Variants in XYLT1 observed in about 807,000 individuals in gnomAD.
XYLT1 encodes the protein xylosyltransferase 1.
In XYLT1, 36 loss-of-function variants were observed where a neutral mutation model predicts 91.3. That is an observed-to-expected ratio of 0.39 (90% CI 0.30 to 0.52). The LOEUF is 0.52. Among genes scored for constraint, XYLT1 ranks in the 20% least tolerant of loss-of-function variants. The probability of loss-of-function intolerance (pLI) is 0.68; values close to 1 mark genes in which losing one functional copy is unlikely to be tolerated. For synonymous variants in XYLT1, 588 were observed against 532.0 expected (o/e 1.11, Z -1.45); for missense variants, 1,242 against 1,284.5 (o/e 0.97, Z 0.51).
chr16:17,308,799 C>T (rs983848558), intron 2 of XYLT1, among the ~76,000 whole-genome samples: 1 of 151,992 alleles, frequency 6.6e-6, no homozygotes, highest in African/African-American at 2.4e-5. Flanking sequence ...GGTAGATGCC[C>T]AATAAATGAA....
chr16:17,318,168 T>C (rs750532518), intron 2 of XYLT1, among the ~76,000 whole-genome samples: 2 of 152,242 alleles, frequency 1.3e-5, no homozygotes, highest in Non-Finnish European at 2.9e-5. Flanking sequence ...CCTGACGTGA[T>C]ACCAACACAT....
chr16:17,199,367 G>A (rs1389686861), intron 4 of XYLT1, among the ~76,000 whole-genome samples: 1 of 152,176 alleles, frequency 6.6e-6, no homozygotes, highest in Non-Finnish European at 1.5e-5. Context: ...CTCATTTGTT[G>A]ACATGTTCTC....
chr16:17,189,475 T>G (rs2032260768), intron 5 of XYLT1, among the ~76,000 whole-genome samples: 1 of 152,164 alleles, frequency 6.6e-6, no homozygotes, highest in African/African-American at 2.4e-5. Flanking sequence ...GAGCTGCATC[T>G]TCTTAAACCA....
intron 2 of XYLT1, among the ~76,000 whole-genome samples, chr16:17,352,673 T>C (rs1567388264): frequency 6.6e-6 from 1 of 152,182 alleles, no homozygotes; most frequent in Non-Finnish European, 1.5e-5. Context: ...ATTCCCCCAC[T>C]ACCTGGGAGA....
At chr16:17,444,686 T>C (rs1596549362) in intron 1 of XYLT1, among the ~76,000 whole-genome samples, 2 of 152,170 alleles carry the variant, frequency 1.3e-5, no homozygotes, top group East Asian at 3.9e-4. Context: ...ATGCTGCACA[T>C]AGTAGATGCT....
chr16:17,417,405 G>A (rs1040742251), intron 1 of XYLT1, among the ~76,000 whole-genome samples: 26 of 152,142 alleles, frequency 1.7e-4, no homozygotes, highest in African/African-American at 5.8e-4. Flanking sequence ...CCTGCCCCAG[G>A]ACCTTGGCAC....
intron 3 of XYLT1, among the ~76,000 whole-genome samples, chr16:17,232,429 G>GTGTGTATATATATATA (rs1194509016): frequency 1.6e-5 from 2 of 121,734 alleles, no homozygotes; most frequent in Non-Finnish European, 3.4e-5. Context: ...GTGTGTGTGT[G>GTGTGTATATATATATA]TATATATATA....
At chr16:17,267,136 G>T (rs2033819045) in intron 2 of XYLT1, among the ~76,000 whole-genome samples, 1 of 152,202 alleles carries the variant, frequency 6.6e-6, no homozygotes, top group South Asian at 2.1e-4. Flanking sequence ...AGACTGATAG[G>T]GCTGGGTTGG....
intron 1 of XYLT1, among the ~76,000 whole-genome samples, chr16:17,460,687 C>T (rs1359910835): frequency 2.6e-5 from 4 of 152,198 alleles, no homozygotes; most frequent in African/African-American, 4.8e-5. Flanking sequence ...CTCAGCTTGG[C>T]TGTTTAACAC....
intron 1 of XYLT1, among the ~76,000 whole-genome samples, chr16:17,456,106 C>G (rs772431083): frequency 6.6e-6 from 1 of 152,176 alleles, no homozygotes; most frequent in Non-Finnish European, 1.5e-5. Context: ...CCCAGCTTCA[C>G]TCTGTGCACA....
chr16:17,431,542 CAG>C (rs1361832467), intron 1 of XYLT1, among the ~76,000 whole-genome samples: 1 of 152,166 alleles, frequency 6.6e-6, no homozygotes, highest in Non-Finnish European at 1.5e-5. Context: ...CACCAAGGAA[CAG>C]AGTTATGCAA....
intron 3 of XYLT1, among the ~76,000 whole-genome samples, chr16:17,235,309 C>CTT (rs3060127): frequency 0.043 from 5,935 of 138,176 alleles, 455 homozygotes; most frequent in African/African-American, 0.14. Context: ...TCATTATCAT[C>CTT]TTTTTTTTTT....
At chr16:17,385,269 T>TACACACACACAC (rs566134163) in intron 1 of XYLT1, among the ~76,000 whole-genome samples, 17 of 119,894 alleles carry the variant, frequency 1.4e-4, no homozygotes, top group South Asian at 3.2e-4. Context: ...TAAACACACA[T>TACACACACACAC]ACACACACAC....
intron 1 of XYLT1, among the ~76,000 whole-genome samples, chr16:17,431,489 C>T (rs2036390586): frequency 6.6e-6 from 1 of 152,176 alleles, no homozygotes; most frequent in South Asian, 2.1e-4. Flanking sequence ...ATTTAAGAAG[C>T]ACTTAGCAGA....
chr16:17,453,793 A>G (rs571136443), intron 1 of XYLT1, among the ~76,000 whole-genome samples: 4 of 152,246 alleles, frequency 2.6e-5, no homozygotes, highest in East Asian at 3.9e-4. Flanking sequence ...TGACATCTAG[A>G]AAAAAAACAC....
chr16:17,220,240 T>C (rs559855397), intron 3 of XYLT1, among the ~76,000 whole-genome samples: 4 of 152,166 alleles, frequency 2.6e-5, no homozygotes, highest in African/African-American at 9.7e-5. Context: ...AGATGATACT[T>C]AAATGAGAAA....
At chr16:17,388,386 G>C (rs765721939) in intron 1 of XYLT1, among the ~76,000 whole-genome samples, 1 of 152,140 alleles carries the variant, frequency 6.6e-6, no homozygotes, top group Non-Finnish European at 1.5e-5. Context: ...TAAGCATGTA[G>C]AGGACCAGAG....
At chr16:17,267,656 G>A (rs1164588125) in intron 2 of XYLT1, among the ~76,000 whole-genome samples, 6 of 152,254 alleles carry the variant, frequency 3.9e-5, no homozygotes, top group South Asian at 2.1e-4. Context: ...TGATCCGCCC[G>A]CCTCAGCCTC....
intron 5 of XYLT1, among the ~76,000 whole-genome samples, chr16:17,192,622 C>T (rs2032339667): frequency 6.6e-6 from 1 of 152,188 alleles, no homozygotes; most frequent in African/African-American, 2.4e-5. Context: ...GGGTACACAA[C>T]CAGCTCCAGC....
Sources: gnomAD v4.1 joint callset for allele counts (sites outside exome capture counted in the v4.1 genomes callset) on GRCh38, gnomAD v4.1.1 for gene constraint, MANE v1.5 for transcripts, NCBI Gene and HGNC (gene_info 2026-07-23, HGNC 2026-07-21) for gene names.